The following TNKS variants were observed in gnomAD, a reference collection of about 807,000 sequenced individuals.
The protein encoded by TNKS is tankyrase, also known as poly [ADP-ribose] polymerase tankyrase-1.
A neutral mutation model predicts 135.8 loss-of-function variants in TNKS; 72 were observed. The ratio of observed to expected loss-of-function variants is 0.53; its 90% CI spans 0.44 to 0.64. The LOEUF (loss-of-function observed/expected upper bound fraction) is 0.64, where lower values mean the gene tolerates loss of function less well. Ranked by LOEUF, TNKS falls within the 30% of genes least tolerant of loss-of-function variation. The probability of loss-of-function intolerance (pLI) is 0.00; values close to 1 mark genes in which losing one functional copy is unlikely to be tolerated. For missense variants in TNKS, 1,769 were observed against 1,674.0 expected, an observed-to-expected ratio of 1.06 and a Z score of -0.99; for synonymous variants, 849 against 649.3, an observed-to-expected ratio of 1.31 and a Z score of -4.68.
At chr8:9,577,828 G>A (rs1366623711) in intron 1 of TNKS, among the ~76,000 whole-genome samples, 1 of 152,092 alleles carries the variant, frequency 6.6e-6, no homozygotes, top group Non-Finnish European at 1.5e-5. Context: ...ACTCATTCCA[G>A]CATTAACTCA....
intron 3 of TNKS, among the ~76,000 whole-genome samples, chr8:9,662,416 TA>T (rs1360607349): frequency 6.6e-6 from 1 of 152,010 alleles, no homozygotes; most frequent in Non-Finnish European, 1.5e-5. Context: ...TATGCAGCCA[TA>T]AAAAAGGATG....
chr8:9,580,370 C>T lies in TNKS; in HGVS notation c.885C>T (p.Ile295=), dbSNP rs34046308. Residue 295 remains isoleucine, a synonymous_variant, in exon 2 of 27, where the codon ATC becomes ATT. Transcript: ENST00000310430. ...ATGAAGCTGCTATTAAAGGGAAGATCGATGTGTGCATTGGTAAGTATCATT... is the reference window on the plus strand; with the variant it reads ...ATGAAGCTGCTATTAAAGGGAAGATTGATGTGTGCATTGGTAAGTATCATT... ...PLHEAAIKGK[I]DVCIVLLQHG... is the part of the protein sequence containing the mutation. 6.2e-4 allele frequency: 994 copies of T among 1,613,760 alleles called. 10 individuals are homozygous for T. In the African/African-American group the frequency reaches 0.011, roughly 18 times the overall value.
chr8:9,765,091 G>GCTGA, intron 23 of TNKS, among the ~76,000 whole-genome samples: 1 of 152,282 alleles, frequency 6.6e-6, no homozygotes, highest in Non-Finnish European at 1.5e-5. Flanking sequence ...ACAGGCCATA[G>GCTGA]CTGACAATAA....
At chr8:9,592,128 C>T (rs1257664739) in intron 2 of TNKS, among the ~76,000 whole-genome samples, 1 of 152,112 alleles carries the variant, frequency 6.6e-6, no homozygotes, top group African/African-American at 2.4e-5. Flanking sequence ...TCTGAGATGA[C>T]ATTGTTTGCC....
chr8:9,655,822 A>G (rs1421079533), intron 3 of TNKS, among the ~76,000 whole-genome samples: 1 of 152,154 alleles, frequency 6.6e-6, no homozygotes. Context: ...CAGAAACTCT[A>G]AAAATCAAAG....
At chr8:9,761,718 G>C (rs1807158725) in intron 21 of TNKS, 82 bp downstream of exon 21, 1 of 1,433,312 alleles carries the variant, frequency 7.0e-7, no homozygotes, top group Non-Finnish European at 9.4e-7. Context: ...AACTCAGGCA[G>C]TCCAGTCCCA....
intron 11 of TNKS, among the ~76,000 whole-genome samples, chr8:9,714,200 G>A (rs530870017): frequency 1.3e-5 from 2 of 152,136 alleles, no homozygotes; most frequent in South Asian, 2.1e-4. Flanking sequence ...CTAAATGTAC[G>A]CCATATATAA....
chr8:9,625,526 T>C (rs568698593), intron 3 of TNKS, among the ~76,000 whole-genome samples: 87 of 152,240 alleles, frequency 5.7e-4, no homozygotes, highest in Non-Finnish European at 9.9e-4. Context: ...TTTAATGTTA[T>C]AATTTTTCTT....
chr8:9,773,669 CAG>C (rs752476196), intron 26 of TNKS, among the ~76,000 whole-genome samples: 4 of 151,776 alleles, frequency 2.6e-5, no homozygotes, highest in East Asian at 1.9e-4. Flanking sequence ...ATAATTTAGT[CAG>C]AGTGTCTCAT....
intron 18 of TNKS, among the ~76,000 whole-genome samples, 162 bp from the exon 19 acceptor site, chr8:9,751,447 C>T (rs892317922): frequency 6.6e-6 from 1 of 152,082 alleles, no homozygotes; most frequent in African/African-American, 2.4e-5. Flanking sequence ...ACTATTGAAA[C>T]TCTTTGGAGC....
chr8:9,575,003 T>G (rs145666768), intron 1 of TNKS: 1 of 983,760 alleles, frequency 1.0e-6, no homozygotes, highest in African/African-American at 1.7e-5. Context: ...TCTAAGGAGC[T>G]CCTAATACCG....
chr8:9,745,130 G>T lies in TNKS; in HGVS notation c.2644-2894G>T, dbSNP rs143631886. 2.8e-3 allele frequency among the ~76,000 whole-genome samples: 422 copies of T among 152,136 alleles called. 3 individuals are homozygous for T. Among genetic ancestry groups the T allele is most frequent in the African/African-American group, 9.6e-3 (400 of 41,508 alleles). On this transcript the variant is annotated intron_variant, in intron 17 of 26. Transcript: ENST00000310430. ...AGCTTGAAATTATTCCGTGCTTTTGGGTTAACTTAACAAAAATTGCTGCCT... is the reference window on the plus strand; with the variant it reads ...AGCTTGAAATTATTCCGTGCTTTTGTGTTAACTTAACAAAAATTGCTGCCT...
intron 17 of TNKS, among the ~76,000 whole-genome samples, chr8:9,743,760 T>C (rs1334995789): frequency 5.9e-5 from 9 of 152,210 alleles, no homozygotes; most frequent in Non-Finnish European, 1.3e-4. Context: ...GATGTATAGA[T>C]ATTAAAAATT....
intron 11 of TNKS, among the ~76,000 whole-genome samples, chr8:9,712,948 C>G (rs1042459130): frequency 6.6e-6 from 1 of 152,096 alleles, no homozygotes; most frequent in African/African-American, 2.4e-5. Flanking sequence ...CTTTCTCATC[C>G]TTCATAAATT....
intron 26 of TNKS, among the ~76,000 whole-genome samples, chr8:9,773,306 T>C (rs181712763): frequency 1.1e-4 from 17 of 152,280 alleles, no homozygotes; most frequent in African/African-American, 4.1e-4. Context: ...CATATTCATA[T>C]GTCTGATATT....
chr8:9,707,095 A>G lies in TNKS; in HGVS notation c.1456+98A>G, dbSNP rs949462476. 87 of 1,025,020 alleles carry G rather than the reference A, an allele frequency of 8.5e-5. No individual in the cohort carries two copies. The African/African-American group carries it at 1.2e-3, about 14-fold the overall frequency. 63.5% of individuals were successfully genotyped at this position (1,025,020 alleles called of 1,614,324 possible). On this transcript the variant is annotated intron_variant, in intron 8 of 26. Transcript: ENST00000310430. ...TAAATAATAACCTTCCATTCTTACA[A>G]GCAGACTAATTCATAATCCTCATTT...
chr8:9,690,691 T>C (rs975614792), intron 5 of TNKS, among the ~76,000 whole-genome samples: 12 of 149,216 alleles, frequency 8.0e-5, no homozygotes, highest in Non-Finnish European at 1.5e-4. Context: ...GGAATAAATG[T>C]AAGTAAGTAA....
At chr8:9,764,503 CTT>C (rs1807320808) in intron 22 of TNKS, among the ~76,000 whole-genome samples, 1 of 152,046 alleles carries the variant, frequency 6.6e-6, no homozygotes, top group South Asian at 2.1e-4. Context: ...ACAGAAAACT[CTT>C]TCAGAACTTT....
chr8:9,662,816 C>T (rs1175250926), intron 3 of TNKS, among the ~76,000 whole-genome samples: 1 of 152,190 alleles, frequency 6.6e-6, no homozygotes, highest in Non-Finnish European at 1.5e-5. Flanking sequence ...AGGCATCATT[C>T]ACTGTTGTTA....
Sources: allele counts gnomAD v4.1 joint callset (sites outside exome capture counted in the v4.1 genomes callset), GRCh38; gene constraint gnomAD v4.1.1; transcripts MANE v1.5; gene names NCBI Gene and HGNC (gene_info 2026-07-23, HGNC 2026-07-21).